The following CDH16 variants were observed in gnomAD, a reference collection of about 807,000 sequenced individuals.
The protein encoded by CDH16 is cadherin 16, also known as cadherin-16.
In CDH16, 79 loss-of-function variants were observed where a neutral mutation model predicts 87.6. The observed-to-expected ratio is 0.90, with a 90% confidence interval of 0.75 to 1.09. The LOEUF is 1.09. Ranked by LOEUF, CDH16 falls within the 50% of genes least tolerant of loss-of-function variation. CDH16 has a pLI of 0.00. For synonymous variants in CDH16, 457 were observed against 439.5 expected (o/e 1.04, Z -0.50); for missense variants, 1,124 against 1,071.7 (o/e 1.05, Z -0.68).
chr16:66,910,755 C>A, intron 14 of CDH16: 1 of 417,386 alleles, frequency 2.4e-6, no homozygotes. Context: ...CCGGGGCTCC[C>A]CACCCCAGGG....
rs1461171820 is a variant in CDH16 at position 66,912,115 on chromosome 16, C to T, written c.1574G>A (p.Ser525Asn). 4.3e-6 allele frequency: 7 copies of T among 1,613,426 alleles called. No individual in the cohort carries two copies. The highest frequency in any genetic ancestry group is 5.9e-6 in the Non-Finnish European group (7 of 1,179,652). ...CTGCACCACCACCACCACCTCATGA[C>T]TTGGAGCTGCCTCATAACTGAGGTT... Reference protein sequence around the residue: ...CKNLSYEAAPSHEVVVVVQSV... With the variant: ...CKNLSYEAAPNHEVVVVVQSV... The change falls in exon 13 of 18, where the codon AGT (serine) becomes AAT (asparagine). Residue 525 changes from serine (S) to asparagine (N), a missense_variant. By Grantham distance (46) the Ser-to-Asn change is conservative. Transcript: ENST00000299752.
intron 5 of CDH16, among the ~76,000 whole-genome samples, chr16:66,915,625 G>C (rs1962644656): frequency 6.6e-6 from 1 of 152,224 alleles, no homozygotes; most frequent in African/African-American, 2.4e-5. Flanking sequence ...AGGTGCAGTG[G>C]CTCATGCCTG....
At chr16:66,912,960 A>G (rs1429994609) in intron 9 of CDH16, 69 bp from the exon 10 acceptor site, 2 of 1,473,596 alleles carry the variant, frequency 1.4e-6, no homozygotes, top group Non-Finnish European at 1.9e-6. Flanking sequence ...CCCACTCCTT[A>G]TTTTGTGCCA....
rs767548667 is a variant in CDH16 at position 66,912,083 on chromosome 16, C to T, written c.1606G>A (p.Ala536Thr). ...CCTGGGCCTGGCCCCACCAGCTTCG[C>T]CACACTCTGCACCACCACCACCACC... ...HEVVVVVQSV[A>T]KLVGPGPGPG... The change falls in exon 13 of 18, where the codon GCG becomes ACG. Residue 536 changes from alanine to threonine, a missense_variant. Ala to Thr is a moderately conservative substitution (Grantham distance 58, BLOSUM62 0). Coordinates refer to ENST00000299752, the MANE Select transcript of CDH16 (RefSeq NM_004062.4). 21 of 1,613,892 alleles carry T rather than the reference C, an allele frequency of 1.3e-5. No homozygotes were observed. The highest frequency in any genetic ancestry group is 1.5e-5 in the Non-Finnish European group (18 of 1,180,006).
Position 66,914,285 on chromosome 16 carries a change from G to A in CDH16, c.711C>T (p.Thr237=). The A allele has an allele frequency of 6.2e-7, 1 of 1,614,234 alleles. No individual in the cohort carries two copies. The highest frequency in any genetic ancestry group is 8.5e-7 in the Non-Finnish European group (1 of 1,180,044). The change falls in exon 7 of 18, where the codon ACC becomes ACT. Residue 237 remains threonine, a synonymous_variant. Transcript: ENST00000299752. The part of the protein sequence containing the change: ...ATVEVSIIES[T]WVSLEPIHLA... Reference sequence around the variant, plus strand: ...GGTGGATAGGCTCTAGGGACACCCAGGTGCTCTCTATGATGGAGACTTCCA... The same window carrying A: ...GGTGGATAGGCTCTAGGGACACCCAAGTGCTCTCTATGATGGAGACTTCCA...
intron 8 of CDH16, 83 bp from the exon 9 acceptor site, chr16:66,913,364 C>G (rs1962522206): frequency 9.0e-6 from 14 of 1,555,950 alleles, no homozygotes; most frequent in Non-Finnish European, 8.7e-6. Context: ...TCCGGTGGGC[C>G]AGCTCCAGCT....
chr16:66,911,077 C>A lies in CDH16; in HGVS notation c.1924+105G>T. ...TCATATCTGCCTCTCCTGCTTGGGGCTGGGGGTTGCCAGTGAGGGCCTCTG... is the reference window on the plus strand; with the variant it reads ...TCATATCTGCCTCTCCTGCTTGGGGATGGGGGTTGCCAGTGAGGGCCTCTG... On this transcript the variant is annotated intron_variant, in intron 14 of 17. Coordinates refer to ENST00000299752, the MANE Select transcript of CDH16 (RefSeq NM_004062.4). 2.6e-6 allele frequency: 3 copies of A among 1,146,182 alleles called. No individual in the cohort carries two copies. The South Asian group carries it at 5.0e-5, about 19-fold the overall frequency. 71.0% of individuals were successfully genotyped at this position (1,146,182 alleles called of 1,614,324 possible).
In CDH16 at chr16:66,911,321, G is replaced by T. The variant is rs778798558; in HGVS notation, c.1791-6C>A. On this transcript the variant is annotated splice_region_variant and splice_polypyrimidine_tract_variant and intron_variant, in intron 13 of 17. Coordinates refer to ENST00000299752, the MANE Select transcript of CDH16 (RefSeq NM_004062.4). ...AGTCATTGACTAGGGAGAACCTGCC[G>T]CCCAAAGAAGGAGGTGAGGAGGTAC... 48 of 1,612,558 alleles carry T rather than the reference G, an allele frequency of 3.0e-5. No individual in the cohort carries two copies. The highest frequency in any genetic ancestry group is 4.0e-5 in the African/African-American group (3 of 74,880).
chr16:66,914,481 A>G, intron 6 of CDH16, 69 bp from the exon 7 acceptor site: 2 of 1,186,152 alleles, frequency 1.7e-6, no homozygotes, highest in Non-Finnish European at 2.4e-6. Context: ...ATTCTCAGCA[A>G]GATACCAGAC....
Position 66,912,092 on chromosome 16 carries a change from G to GCAC in CDH16, c.1594_1596dup (p.Val532dup), listed in dbSNP as rs761728402. Reference sequence around the variant, plus strand: ...GGCCCCACCAGCTTCGCCACACTCTGCACCACCACCACCACCTCATGACTT... The same window carrying GCAC: ...GGCCCCACCAGCTTCGCCACACTCTGCACCACCACCACCACCACCTCATGACTT... On this transcript the variant is annotated inframe_insertion, in exon 13 of 18. Coordinates refer to ENST00000299752, the MANE Select transcript of CDH16 (RefSeq NM_004062.4). 3.1e-6 allele frequency: 5 copies of GCAC among 1,613,898 alleles called. No homozygotes were observed. The highest frequency in any genetic ancestry group is 4.2e-6 in the Non-Finnish European group (5 of 1,179,928).
intron 7 of CDH16, 33 bp from the exon 8 acceptor site, chr16:66,913,646 A>G (rs1962540529): frequency 6.2e-7 from 1 of 1,611,436 alleles, no homozygotes; most frequent in South Asian, 1.1e-5. Flanking sequence ...AGGGGCAGGA[A>G]CAATCCATGT....
rs768521324 is a variant in CDH16, at chr16:66,918,115, G to A, written c.-13-37C>T. ...GGCAGTGAGGATCCAGCCCAGGTGG[G>A]TAGGGAGGGGCTTTCCATCCCACAC... On this transcript the variant is annotated intron_variant, in intron 1 of 17. Transcript: ENST00000299752. The A allele has an allele frequency of 4.8e-6, 7 of 1,453,772 alleles. No individual in the cohort carries two copies. The South Asian group carries it at 6.7e-5, about 14-fold the overall frequency. The allele number at this position is 1,453,772 out of a possible 1,614,324, so 90.1% of individuals were successfully genotyped here.
rs1962685673 is a variant in CDH16, at chr16:66,916,368, G to A, written c.191C>T (p.Ala64Val). 1.9e-6 allele frequency: 3 copies of A among 1,613,830 alleles called. No homozygotes were observed. Among genetic ancestry groups the A allele is most frequent in the Admixed American group, 1.7e-5 (1 of 59,986 alleles). ...ATCCATAGCAAATGGGCCCTCAGTT[G>A]CCTTGCCTGAGTCCCCTGACAGCAC... ...QIVLSGDSGK[A>V]TEGPFAMDPD... Residue 64 changes from alanine (A) to valine (V), a missense_variant, in exon 4 of 18, where the codon GCA becomes GTA. Coordinates refer to ENST00000299752, the MANE Select transcript of CDH16 (RefSeq NM_004062.4). The surrounding 1 kb of genome is among the most constrained non-coding windows in gnomAD (Gnocchi z 4.1).
At chr16:66,913,773 ACATGTTGTTAGTGGC>A (rs1293932346) in intron 7 of CDH16, among the ~76,000 whole-genome samples, 160 bp from the exon 8 acceptor site, 1 of 152,108 alleles carries the variant, frequency 6.6e-6, no homozygotes, top group Admixed American at 6.5e-5. Flanking sequence ...TGTTCAGGGC[ACATGTTGTTAGTGGC>A]CTTGCCCTGA....
rs769957582 is a variant in CDH16, at chr16:66,912,306, G to A, written c.1484C>T (p.Thr495Ile). Residue 495 changes from threonine to isoleucine, a missense_variant, in exon 12 of 18, where the codon ACA (threonine) becomes ATA (isoleucine). Thr to Ile is a moderately conservative substitution (Grantham distance 89, BLOSUM62 -1). Transcript: ENST00000299752. ...LMDFAIERGDTEGTFGLDWEP... is the reference protein window; with the variant it reads ...LMDFAIERGDIEGTFGLDWEP... ...CCAATCCAGGCCAAAAGTCCCTTCT[G>A]TGTCTCCCCTCTCAATGGCAAAATC... The A allele has an allele frequency of 2.5e-6, 4 of 1,614,160 alleles. No individual in the cohort carries two copies. The highest frequency in any genetic ancestry group is 3.3e-5 in the Admixed American group (2 of 60,024).
Position 66,916,300 on chromosome 16 carries a change from C to T in CDH16, c.259G>A (p.Glu87Lys). The change falls in exon 4 of 18, where the codon GAG becomes AAG. Residue 87 changes from glutamate to lysine, a missense_variant. Transcript: ENST00000299752. The surrounding 1 kb of genome is among the most constrained non-coding windows in gnomAD (Gnocchi z 4.1). ...TGTAGCTGGTACTCTGCCTGCTCCT[C>T]TCGGTCCAGGGCCCTGGTCACCAGC... Reference protein sequence around the residue: ...FLLVTRALDREEQAEYQLQVT... With the variant: ...FLLVTRALDRKEQAEYQLQVT... 1 of 1,613,894 alleles carries T rather than the reference C, an allele frequency of 6.2e-7. No homozygotes were observed. Among genetic ancestry groups the T allele is most frequent in the East Asian group, 2.2e-5 (1 of 44,874 alleles).
chr16:66,910,118 A>G, intron 15 of CDH16, 25 bp from the exon 16 acceptor site: 1 of 1,596,774 alleles, frequency 6.3e-7, no homozygotes, highest in Non-Finnish European at 8.5e-7. Context: ...GGCAAAGACC[A>G]GGGTCACCAG....
Position 66,909,124 on chromosome 16 carries a change from G to A in CDH16, c.2392+143C>T, listed in dbSNP as rs1962290098. 2 of 681,942 alleles carry A rather than the reference G, an allele frequency of 2.9e-6. No individual in the cohort carries two copies. Among genetic ancestry groups the A allele is most frequent in the African/African-American group, 3.5e-5 (2 of 56,866 alleles). 42.2% of individuals were successfully genotyped at this position (681,942 alleles called of 1,614,324 possible). On this transcript the variant is annotated intron_variant, in intron 17 of 17. Transcript: ENST00000299752. This position sits in a 1 kb window ranked among gnomAD's most constrained non-coding sequence, Gnocchi z 4.1. ...ATGATGACAATGACTATGATCAAAGGGCAGGCGCATAATGACTAGGAGAGT... is the reference window on the plus strand; with the variant it reads ...ATGATGACAATGACTATGATCAAAGAGCAGGCGCATAATGACTAGGAGAGT...
chr16:66,916,531 A>G lies in CDH16; in HGVS notation c.130-102T>C. 2.3e-6 allele frequency: 3 copies of G among 1,328,228 alleles called. No homozygotes were observed. Among genetic ancestry groups the G allele is most frequent in the South Asian group, 1.5e-5 (1 of 66,190 alleles). 82.3% of individuals were successfully genotyped at this position (1,328,228 alleles called of 1,614,324 possible). On this transcript the variant is annotated intron_variant, in intron 3 of 17. Coordinates refer to ENST00000299752, the MANE Select transcript of CDH16 (RefSeq NM_004062.4). The surrounding 1 kb of genome is among the most constrained non-coding windows in gnomAD (Gnocchi z 4.1). ...TTTACATGTGGGGAAACTGAGTCTC[A>G]GAGACATCTGGCTCCTGTCAGAGGT...
Sources: allele counts gnomAD v4.1 joint callset (sites outside exome capture counted in the v4.1 genomes callset), GRCh38; gene constraint gnomAD v4.1.1; non-coding constraint Gnocchi (gnomAD v3.1); transcripts MANE v1.5; gene names NCBI Gene and HGNC (gene_info 2026-07-23, HGNC 2026-07-21).